Variants in UGGT2 observed in about 807,000 individuals in gnomAD.
UGGT2 encodes the protein UDP-glucose:glycoprotein glucosyltransferase 2.
In UGGT2, 180 loss-of-function variants were observed where a neutral mutation model predicts 192.1. The observed-to-expected ratio is 0.94, with a 90% CI of 0.83 to 1.06. UGGT2 has a LOEUF of 1.06. Among genes scored for constraint, UGGT2 ranks in the 50% least tolerant of loss-of-function variants. The pLI is 0.00. For synonymous variants in UGGT2, 580 were observed against 591.0 expected, an observed-to-expected ratio of 0.98 and a Z score of 0.27; for missense variants, 1,849 against 1,795.7, an observed-to-expected ratio of 1.03 and a Z score of -0.54.
Position 95,832,957 on chromosome 13 carries a change from C to G in UGGT2, c.4498G>C (p.Asp1500His), listed in dbSNP as rs1886885997. The G allele has an allele frequency of 1.2e-6, 2 of 1,612,662 alleles. No individual in the cohort carries two copies. The highest frequency in any genetic ancestry group is 2.2e-5 in the East Asian group (1 of 44,804). The change falls in exon 38 of 39, where the codon GAT becomes CAT. Residue 1500 changes from aspartate to histidine, a missense_variant. By Grantham distance (81) the Asp-to-His change is moderately conservative. Coordinates refer to ENST00000376747, the MANE Select transcript of UGGT2 (RefSeq NM_020121.4). The stretch of plus-strand genomic sequence containing the variant: ...TCTTGCTTCTTGTTTTCAAGATGAT[C>G]TAATAGTTGTCTTATCTCAGCATCA... Reference protein sequence around the residue: ...EYDAEIRQLLDHLENKKQDTI... With the variant: ...EYDAEIRQLLHHLENKKQDTI...
chr13:95,972,615 G>T lies in UGGT2; in HGVS notation c.1149C>A (p.Gly383=), dbSNP rs368245113. The T allele has an allele frequency of 1.1e-5, 18 of 1,613,644 alleles. No homozygotes were observed. The highest frequency in any genetic ancestry group is 1.7e-4 in the Middle Eastern group (1 of 6,046). The change falls in exon 11 of 39, where the codon GGC becomes GGA. Residue 383 remains glycine (G), a synonymous_variant. Transcript: ENST00000376747. The part of the protein sequence containing the change: ...QPGDARLFIN[G]LRVDMDVYDA... ...CATAAACATCCATATCAACACGAAG[G>T]CCATTTATAAATAGACGAGCATCGC...
At chr13:96,038,185 A>G (rs928140309) in intron 1 of UGGT2, among the ~76,000 whole-genome samples, 1 of 152,222 alleles carries the variant, frequency 6.6e-6, no homozygotes, top group Admixed American at 6.5e-5. Context: ...ACCTTTCCCT[A>G]TAAAAAGTAC....
Position 95,894,670 on chromosome 13 carries a change from GACAA to G in UGGT2, c.2760-17_2760-14del, listed in dbSNP as rs1164146025. ...AAAGTCACTCATGCTAGATAAACAA[GACAA>G]ACAGTGTATGAGTTTTTTGGAAAGA... is the stretch of plus-strand genomic sequence containing the variant. On this transcript the variant is annotated splice_polypyrimidine_tract_variant and intron_variant, in intron 23 of 38. Transcript: ENST00000376747. The G allele has an allele frequency of 1.3e-6, 2 of 1,599,976 alleles. No homozygotes were observed. Among genetic ancestry groups the G allele is most frequent in the Admixed American group, 1.7e-5 (1 of 58,408 alleles).
chr13:95,870,573 T>C (rs6492824), intron 29 of UGGT2, among the ~76,000 whole-genome samples: 54,624 of 152,028 alleles, frequency 0.36, 10,314 homozygotes, highest in Middle Eastern at 0.42. Context: ...CTTCTGATGA[T>C]GGGAAAGTAG....
intron 1 of UGGT2, among the ~76,000 whole-genome samples, chr13:96,032,333 G>A (rs1024177918): frequency 6.6e-6 from 1 of 151,272 alleles, no homozygotes; most frequent in East Asian, 1.9e-4. Context: ...ATTATATAAA[G>A]GTAAAAAGTA....
chr13:95,928,637 G>A (rs1370791882), intron 17 of UGGT2, among the ~76,000 whole-genome samples: 1 of 151,982 alleles, frequency 6.6e-6, no homozygotes, highest in African/African-American at 2.4e-5. Context: ...CCAGAAGGTG[G>A]GTAGCCGGGC....
At chr13:95,883,028 G>T (rs1001534767) in intron 27 of UGGT2, among the ~76,000 whole-genome samples, 1 of 151,744 alleles carries the variant, frequency 6.6e-6, no homozygotes, top group African/African-American at 2.4e-5. Context: ...CTATTAGTTT[G>T]CTGCCTTTTC....
At chr13:95,992,514 C>T (rs2051490052) in intron 7 of UGGT2, among the ~76,000 whole-genome samples, 1 of 152,120 alleles carries the variant, frequency 6.6e-6, no homozygotes, top group African/African-American at 2.4e-5. Flanking sequence ...TTTAGTAATG[C>T]TACTGATTTC....
chr13:95,817,020 T>C (rs1463448102), intron 38 of UGGT2, among the ~76,000 whole-genome samples: 1 of 151,960 alleles, frequency 6.6e-6, no homozygotes, highest in Non-Finnish European at 1.5e-5. Flanking sequence ...CTAGCTACTT[T>C]GAGAAGCTGA....
chr13:95,899,783 TAC>T (rs2048050434), intron 22 of UGGT2, among the ~76,000 whole-genome samples: 1 of 152,148 alleles, frequency 6.6e-6, no homozygotes, highest in African/African-American at 2.4e-5. Flanking sequence ...TACAGAGCTC[TAC>T]ATATCTCACT....
intron 17 of UGGT2, among the ~76,000 whole-genome samples, chr13:95,928,158 C>A (rs1208956060): frequency 2.0e-5 from 3 of 152,172 alleles, no homozygotes; most frequent in Non-Finnish European, 4.4e-5. Context: ...CATCATGGCC[C>A]GTTCTCAATG....
At chr13:95,948,218 T>TACACACACACACACACACACACAC in intron 13 of UGGT2, 137 bp from the exon 14 acceptor site, 1 of 311,116 alleles carries the variant, frequency 3.2e-6, no homozygotes, top group Non-Finnish European at 6.3e-6. Flanking sequence ...TTCTAAGGAA[T>TACACACACACACACACACACACAC]ACACACACAC....
chr13:95,988,664 G>A (rs1412573967), intron 8 of UGGT2, among the ~76,000 whole-genome samples: 1 of 152,120 alleles, frequency 6.6e-6, no homozygotes, highest in Non-Finnish European at 1.5e-5. Flanking sequence ...ACAGGGCTTA[G>A]TTGATACAAC....
At chr13:95,931,739 C>G (rs919962661) in intron 17 of UGGT2, among the ~76,000 whole-genome samples, 84 of 152,268 alleles carry the variant, frequency 5.5e-4, no homozygotes, top group African/African-American at 2.0e-3. Flanking sequence ...GAGTGCAGGG[C>G]CTGCTGAGCC....
chr13:95,881,077 G>A (rs1041520452), intron 27 of UGGT2, among the ~76,000 whole-genome samples: 1 of 152,154 alleles, frequency 6.6e-6, no homozygotes, highest in Non-Finnish European at 1.5e-5. Flanking sequence ...GGGGGGCTGG[G>A]ACAGGAGAAT....
At chr13:95,925,976 T>C (rs1020143532) in intron 19 of UGGT2, among the ~76,000 whole-genome samples, 1 of 151,962 alleles carries the variant, frequency 6.6e-6, no homozygotes. Flanking sequence ...AAATTACATA[T>C]AAAAATGCTA....
At chr13:95,869,979 A>C (rs954999501) in intron 29 of UGGT2, among the ~76,000 whole-genome samples, 3 of 152,254 alleles carry the variant, frequency 2.0e-5, no homozygotes, top group Non-Finnish European at 4.4e-5. Context: ...TTTTCAGAGA[A>C]GAAATGTAAA....
intron 10 of UGGT2, among the ~76,000 whole-genome samples, chr13:95,974,349 C>T (rs1008597884): frequency 2.0e-5 from 3 of 152,180 alleles, no homozygotes; most frequent in Non-Finnish European, 2.9e-5. Flanking sequence ...AATCTGGCAT[C>T]GAAACTTCAC....
intron 38 of UGGT2, among the ~76,000 whole-genome samples, chr13:95,825,123 A>G (rs1030038595): frequency 6.6e-6 from 1 of 152,188 alleles, no homozygotes. Context: ...CAAGTTTGCT[A>G]TCTCCTATGG....
Sources: gnomAD v4.1 joint callset for allele counts (sites outside exome capture counted in the v4.1 genomes callset) on GRCh38, gnomAD v4.1.1 for gene constraint, MANE v1.5 for transcripts, NCBI Gene and HGNC (gene_info 2026-07-23, HGNC 2026-07-21) for gene names.